Variants in IGSF3 observed in about 807,000 individuals in gnomAD.
The protein encoded by IGSF3 is immunoglobulin superfamily member 3, also known as glu-Trp-Ile EWI motif-containing protein 3.
IGSF3 carries 23 observed loss-of-function variants against 114.4 expected under a neutral mutation model. That is an observed-to-expected ratio of 0.20 (90% CI 0.14 to 0.28). The LOEUF is 0.28. Among genes scored for constraint, IGSF3 ranks in the 10% least tolerant of loss-of-function variants. The pLI is 1.00. For synonymous variants in IGSF3, 571 were observed against 645.2 expected, an observed-to-expected ratio of 0.88 and a Z score of 1.74; for missense variants, 1,172 against 1,591.5, an observed-to-expected ratio of 0.74 and a Z score of 4.48.
Position 116,654,433 on chromosome 1 carries a change from T to C in IGSF3, c.43+11851A>G, listed in dbSNP as rs1648761329. Among the ~76,000 whole-genome samples, 2 of 152,142 alleles carry C rather than the reference T, an allele frequency of 1.3e-5. No individual in the cohort carries two copies. Among genetic ancestry groups the C allele is most frequent in the Non-Finnish European group, 2.9e-5 (2 of 68,028 alleles). On this transcript the variant is annotated intron_variant, in intron 2 of 10. Coordinates refer to ENST00000369486, the MANE Select transcript of IGSF3 (RefSeq NM_001007237.3). This position sits in a 1 kb window ranked among gnomAD's most constrained non-coding sequence, Gnocchi z 4.4. ...ATGCCTCCTTAGGGTTAACCCCAGG[T>C]TGGGAGAGGGCATCTGGCAAGGAAC... is the stretch of plus-strand genomic sequence containing the variant.
rs1442928410 is a variant in IGSF3 at position 116,585,350 on chromosome 1, C to T, written c.2441-298G>A. On this transcript the variant is annotated intron_variant, in intron 8 of 10. Transcript: ENST00000369486. The surrounding 1 kb of genome is among the most constrained non-coding windows in gnomAD (Gnocchi z 4.9). ...GCACAAGCTGTAGAGACTGCACATC[C>T]AAATGACAACGGACCACAAAACATG... Among the ~76,000 whole-genome samples the T allele has an allele frequency of 6.6e-6, 1 of 152,102 alleles. No homozygotes were observed. The highest frequency in any genetic ancestry group is 2.4e-5 in the African/African-American group (1 of 41,408).
chr1:116,656,942 G>T (rs111428175), intron 2 of IGSF3, among the ~76,000 whole-genome samples: 4,653 of 151,858 alleles, frequency 0.031, 196 homozygotes, highest in African/African-American at 0.089. Context: ...ATGAATGAAT[G>T]AATTAATTAA....
In IGSF3 at chr1:116,598,016, T is replaced by A. The variant is rs1660413510; in HGVS notation, c.2029+1925A>T. On this transcript the variant is annotated intron_variant, in intron 7 of 10. Coordinates refer to ENST00000369486, the MANE Select transcript of IGSF3 (RefSeq NM_001007237.3). The surrounding 1 kb of genome is among the most constrained non-coding windows in gnomAD (Gnocchi z 4.3). ...TCATACATATTTTTCCCTGTCTGCC[T>A]TTAGTAACACCATAAACTAATCCAA... is the stretch of plus-strand genomic sequence containing the variant. Among the ~76,000 whole-genome samples the A allele has an allele frequency of 5.3e-5, 8 of 152,214 alleles. No individual in the cohort carries two copies. Among genetic ancestry groups the A allele is most frequent in the Admixed American group, 5.2e-4 (8 of 15,282 alleles).
At chr1:116,631,947 C>T (rs2336282) in intron 2 of IGSF3, among the ~76,000 whole-genome samples, 31 of 152,326 alleles carry the variant, frequency 2.0e-4, no homozygotes, top group African/African-American at 3.4e-4. Context: ...TCCTCCTCAA[C>T]GTCTCCATCA....
Position 116,614,255 on chromosome 1 carries a change from G to T in IGSF3, c.422-80C>A. On this transcript the variant is annotated intron_variant, in intron 3 of 10. Coordinates refer to ENST00000369486, the MANE Select transcript of IGSF3 (RefSeq NM_001007237.3). This position sits in a 1 kb window ranked among gnomAD's most constrained non-coding sequence, Gnocchi z 4.5. ...TCCCAGGGCTAAGCTCCCATTCCAC[G>T]CAGGCGTCACTGCACTGCGCCCCTA... 1.6e-6 allele frequency: 2 copies of T among 1,214,802 alleles called. No homozygotes were observed. The highest frequency in any genetic ancestry group is 2.4e-6 in the Non-Finnish European group (2 of 838,416). The allele number at this position is 1,214,802 out of a possible 1,614,324, so 75.3% of individuals were successfully genotyped here.
rs1225964987 is a variant in IGSF3, at chr1:116,632,480, A to G, written c.44-16023T>C. ...ATAACTATGGAACAGCTAACCACAC[A>G]ACGCAGCATACTGAATGAGAAGCCT... On this transcript the variant is annotated intron_variant, in intron 2 of 10. Transcript: ENST00000369486. This position sits in a 1 kb window ranked among gnomAD's most constrained non-coding sequence, Gnocchi z 5.1. Among the ~76,000 whole-genome samples, 1 of 152,240 alleles carries G rather than the reference A, an allele frequency of 6.6e-6. No individual in the cohort carries two copies. Among genetic ancestry groups the G allele is most frequent in the East Asian group, 1.9e-4 (1 of 5,204 alleles).
intron 2 of IGSF3, among the ~76,000 whole-genome samples, chr1:116,626,432 T>C (rs1361206409): frequency 2.0e-5 from 3 of 152,202 alleles, no homozygotes; most frequent in Non-Finnish European, 4.4e-5. Context: ...AGCTGCACAG[T>C]ATTCCATCAT....
chr1:116,603,801 C>T lies in IGSF3; in HGVS notation c.1447G>A (p.Gly483Ser), dbSNP rs879196132. 6.2e-7 allele frequency: 1 copy of T among 1,614,018 alleles called. No homozygotes were observed. The highest frequency in any genetic ancestry group is 8.5e-7 in the Non-Finnish European group (1 of 1,179,866). The change falls in exon 6 of 11, where the codon GGC becomes AGC. Residue 483 changes from glycine to serine, a missense_variant. By Grantham distance (56) the Gly-to-Ser change is moderately conservative. Around this residue, in one of 3 missense-constraint regions of IGSF3, gnomAD observed 736 missense variants for 1,042.0 expected, o/e 0.71. Transcript: ENST00000369486. The surrounding 1 kb of genome is among the most constrained non-coding windows in gnomAD (Gnocchi z 7.1). ...SSYWERSSFGGVQMEQVQPNS... is the reference protein window; with the variant it reads ...SSYWERSSFGSVQMEQVQPNS... Reference sequence around the variant, plus strand: ...GGCTGCACCTGCTCCATCTGGACGCCCCCAAAGCTGCTGCGCTCCCAGTAG... The same window carrying T: ...GGCTGCACCTGCTCCATCTGGACGCTCCCAAAGCTGCTGCGCTCCCAGTAG...
Position 116,579,586 on chromosome 1 carries a change from C to T in IGSF3, c.3140G>A (p.Ser1047Asn). Residue 1047 changes from serine to asparagine, a missense_variant, in exon 10 of 11, where the codon AGT becomes AAT. By Grantham distance (46) the Ser-to-Asn change is conservative (BLOSUM62 1). Transcript: ENST00000369486. This position sits in a 1 kb window ranked among gnomAD's most constrained non-coding sequence, Gnocchi z 6.4. The part of the protein sequence containing the change: ...GPDAVFGPEG[S>N]PWEGRLRFQR... ...GAAGCGAAGCCTGCCCTCCCAAGGA[C>T]TGCCCTCTGGGCCAAAGACAGCATC... 2 of 1,614,188 alleles carry T rather than the reference C, an allele frequency of 1.2e-6. No individual in the cohort carries two copies. The highest frequency in any genetic ancestry group is 1.7e-6 in the Non-Finnish European group (2 of 1,180,042).
Position 116,650,166 on chromosome 1 carries a change from A to G in IGSF3, c.43+16118T>C, listed in dbSNP as rs1327153188. On this transcript the variant is annotated intron_variant, in intron 2 of 10. Coordinates refer to ENST00000369486, the MANE Select transcript of IGSF3 (RefSeq NM_001007237.3). The surrounding 1 kb of genome is among the most constrained non-coding windows in gnomAD (Gnocchi z 5.0). ...ATGCTCCTTTGAGGGAGTGTCTAAC[A>G]TAGGTTAGACACTATAAGTAGTAGA... Among the ~76,000 whole-genome samples the G allele has an allele frequency of 6.6e-6, 1 of 152,224 alleles. No individual in the cohort carries two copies. Among genetic ancestry groups the G allele is most frequent in the African/African-American group, 2.4e-5 (1 of 41,460 alleles).
Position 116,666,339 on chromosome 1 carries a change from C to T in IGSF3, c.-13G>A, listed in dbSNP as rs1049694595. 35 of 1,614,010 alleles carry T rather than the reference C, an allele frequency of 2.2e-5. No individual in the cohort carries two copies. Among genetic ancestry groups the T allele is most frequent in the Non-Finnish European group, 3.0e-5 (35 of 1,179,860 alleles). On this transcript the variant is annotated 5_prime_UTR_variant, in exon 2 of 11. Transcript: ENST00000369486. ...AAAAGCACTTCATGTCGGCAGCCTC[C>T]AGGAGACACAACACAAGGCGCTTCC... is the stretch of plus-strand genomic sequence containing the variant.
chr1:116,656,773 C>G (rs1648874615), intron 2 of IGSF3, among the ~76,000 whole-genome samples: 1 of 151,856 alleles, frequency 6.6e-6, no homozygotes, highest in Non-Finnish European at 1.5e-5. Flanking sequence ...ACTAAAAATA[C>G]AAAAATTAGC....
In IGSF3 at chr1:116,575,357, G is replaced by A. The variant is rs1357672303; in HGVS notation, c.*1955C>T. 2 of 152,642 alleles carry A rather than the reference G, an allele frequency of 1.3e-5. No individual in the cohort carries two copies. Among genetic ancestry groups the A allele is most frequent in the African/African-American group, 4.8e-5 (2 of 41,436 alleles). 9.5% of individuals were successfully genotyped at this position (152,642 alleles called of 1,614,324 possible). On this transcript the variant is annotated 3_prime_UTR_variant, in exon 11 of 11. Coordinates refer to ENST00000369486, the MANE Select transcript of IGSF3 (RefSeq NM_001007237.3). This position sits in a 1 kb window ranked among gnomAD's most constrained non-coding sequence, Gnocchi z 5.6. ...GCCTGCACACACTGTCTCACAGGAG[G>A]GTACGGTATACTTGGGGGAGAAAAG...
rs1317465231 is a variant in IGSF3, at chr1:116,635,378, G to A, written c.44-18921C>T. Among the ~76,000 whole-genome samples, 5 of 152,132 alleles carry A rather than the reference G, an allele frequency of 3.3e-5. 1 individual carries two copies. The highest frequency in any genetic ancestry group is 4.1e-4 in the South Asian group (2 of 4,830). On this transcript the variant is annotated intron_variant, in intron 2 of 10. Coordinates refer to ENST00000369486, the MANE Select transcript of IGSF3 (RefSeq NM_001007237.3). Reference sequence around the variant, plus strand: ...TTCTCTTCCTGGCATAGAGTAGTCCGTGCCCTTCTCTCATTTCTTAATATG... The same window carrying A: ...TTCTCTTCCTGGCATAGAGTAGTCCATGCCCTTCTCTCATTTCTTAATATG...
In IGSF3 at chr1:116,661,535, C is replaced by T. The variant is rs1649117081; in HGVS notation, c.43+4749G>A. Among the ~76,000 whole-genome samples, 1 of 152,310 alleles carries T rather than the reference C, an allele frequency of 6.6e-6. No homozygotes were observed. Among genetic ancestry groups the T allele is most frequent in the African/African-American group, 2.4e-5 (1 of 41,556 alleles). ...TTTAGGTTGCTTCCTATGAAACAAACGTTGGTTCATCTAACTCATGCCTTC... is the reference window on the plus strand; with the variant it reads ...TTTAGGTTGCTTCCTATGAAACAAATGTTGGTTCATCTAACTCATGCCTTC... On this transcript the variant is annotated intron_variant, in intron 2 of 10. Coordinates refer to ENST00000369486, the MANE Select transcript of IGSF3 (RefSeq NM_001007237.3). This position sits in a 1 kb window ranked among gnomAD's most constrained non-coding sequence, Gnocchi z 4.0.
At position 116,666,641 on chromosome 1, in the gene IGSF3, C is replaced by A; in HGVS notation, c.-315G>T. On this transcript the variant is annotated 5_prime_UTR_variant, in exon 2 of 11. Coordinates refer to ENST00000369486, the MANE Select transcript of IGSF3 (RefSeq NM_001007237.3). The stretch of plus-strand genomic sequence containing the variant: ...TGCAGACTGTAGTGGATTAATCCTC[C>A]AGAAGCACGGAAAAAAGGGTCTGAG... 3.5e-6 allele frequency: 2 copies of A among 565,318 alleles called. No homozygotes were observed. The highest frequency in any genetic ancestry group is 3.8e-5 in the African/African-American group (2 of 53,234). 35.0% of individuals were successfully genotyped at this position (565,318 alleles called of 1,614,324 possible).
chr1:116,587,377 A>G (rs1659894243), intron 8 of IGSF3, among the ~76,000 whole-genome samples: 1 of 152,178 alleles, frequency 6.6e-6, no homozygotes, highest in Non-Finnish European at 1.5e-5. Flanking sequence ...GGAAATCTAG[A>G]GTGATGAGGG....
At chr1:116,587,833 C>A (rs569317557) in intron 8 of IGSF3, among the ~76,000 whole-genome samples, 1 of 152,182 alleles carries the variant, frequency 6.6e-6, no homozygotes, top group African/African-American at 2.4e-5. Context: ...CAACACAGCA[C>A]CCCCCATGGC....
At position 116,614,949 on chromosome 1, in the gene IGSF3, G is replaced by T. The variant is rs149463764; in HGVS notation, c.422-774C>A. Among the ~76,000 whole-genome samples the T allele has an allele frequency of 2.5e-3, 383 of 152,212 alleles. 3 individuals carry two copies. The highest frequency in any genetic ancestry group is 8.8e-3 in the African/African-American group (366 of 41,530). On this transcript the variant is annotated intron_variant, in intron 3 of 10. Transcript: ENST00000369486. The surrounding 1 kb of genome is among the most constrained non-coding windows in gnomAD (Gnocchi z 4.5). Reference sequence around the variant, plus strand: ...CACAACTAGTATGTGTTTTCTCCCTGTTCTCACCCAAGGCTTGGGTCTTAC... The same window carrying T: ...CACAACTAGTATGTGTTTTCTCCCTTTTCTCACCCAAGGCTTGGGTCTTAC...
Sources: allele counts gnomAD v4.1 joint callset (sites outside exome capture counted in the v4.1 genomes callset), GRCh38; gene constraint gnomAD v4.1.1; regional missense constraint gnomAD v4.1.1; non-coding constraint Gnocchi (gnomAD v3.1); transcripts MANE v1.5; gene names NCBI Gene and HGNC (gene_info 2026-07-23, HGNC 2026-07-21).